FAM184A: variants seen among roughly 807,000 people sequenced by gnomAD.
FAM184A encodes protein FAM184A.
A neutral mutation model predicts 143.8 loss-of-function variants in FAM184A; 99 were observed. The ratio of observed to expected loss-of-function variants is 0.69; its 90% confidence interval spans 0.58 to 0.81. FAM184A has a LOEUF of 0.81. Among genes scored for constraint, FAM184A ranks in the 40% least tolerant of loss-of-function variants. FAM184A has a pLI of 0.00. For missense variants in FAM184A, 1,217 were observed against 1,310.5 expected (o/e 0.93, Z 1.10); for synonymous variants, 427 against 446.4 (o/e 0.96, Z 0.55).
chr6:119,090,376 A>G (rs1027502903), intron 1 of FAM184A, among the ~76,000 whole-genome samples: 1 of 152,198 alleles, frequency 6.6e-6, no homozygotes, highest in African/African-American at 2.4e-5. Flanking sequence ...TGGTTATTCA[A>G]TGTGAGCTTA....
At chr6:118,966,761 A>T in intron 15 of FAM184A, 74 bp downstream of exon 15, 1 of 655,386 alleles carries the variant, frequency 1.5e-6, no homozygotes. Flanking sequence ...ATTACTTAAA[A>T]AGATTGTCCC....
chr6:119,144,333 CAAAA>C (rs555955754), intron 1 of FAM184A, among the ~76,000 whole-genome samples: 2,877 of 77,946 alleles, frequency 0.037, 42 homozygotes, highest in Middle Eastern at 0.15. Flanking sequence ...GACTCTGACT[CAAAA>C]AAAAAAAAAA....
chr6:119,016,697 C>G (rs1242905684), intron 5 of FAM184A, 50 bp downstream of exon 5: 1 of 1,511,174 alleles, frequency 6.6e-7, no homozygotes, highest in Admixed American at 1.7e-5. Flanking sequence ...CACACTACTA[C>G]AGAAATATCA....
intron 1 of FAM184A, among the ~76,000 whole-genome samples, chr6:119,119,888 T>C (rs531942465): frequency 2.4e-4 from 37 of 152,022 alleles, no homozygotes; most frequent in African/African-American, 8.7e-4. Context: ...GGAGGCTGAG[T>C]TGAGAGGATT....
intron 6 of FAM184A, among the ~76,000 whole-genome samples, chr6:119,009,740 T>A (rs977040225): frequency 4.6e-5 from 7 of 152,214 alleles, no homozygotes; most frequent in African/African-American, 1.7e-4. Context: ...TGCCTCAGAC[T>A]TGTGTTTACT....
At chr6:119,066,708 C>T (rs1048316809) in intron 1 of FAM184A, among the ~76,000 whole-genome samples, 2 of 152,198 alleles carry the variant, frequency 1.3e-5, no homozygotes, top group African/African-American at 4.8e-5. Flanking sequence ...GTTATCTTTG[C>T]CAACTCCCTC....
intron 14 of FAM184A, among the ~76,000 whole-genome samples, chr6:118,970,008 A>ATATATATTTTTTTTTT: frequency 4.7e-4 from 9 of 19,048 alleles, no homozygotes; most frequent in South Asian, 3.4e-3. Flanking sequence ...ATATATATAT[A>ATATATATTTTTTTTTT]TTTTTTTTTT....
intron 5 of FAM184A, among the ~76,000 whole-genome samples, chr6:119,011,695 A>G (rs1281502850): frequency 6.6e-6 from 1 of 152,214 alleles, no homozygotes; most frequent in African/African-American, 2.4e-5. Context: ...CCAAAAACAG[A>G]AAAGTGTGAG....
intron 1 of FAM184A, among the ~76,000 whole-genome samples, chr6:119,122,532 A>G (rs987044025): frequency 2.6e-5 from 4 of 152,190 alleles, no homozygotes; most frequent in Non-Finnish European, 5.9e-5. Flanking sequence ...GGTCAAACAT[A>G]CATATTCAAT....
chr6:119,112,314 G>A (rs1386189319), intron 1 of FAM184A, among the ~76,000 whole-genome samples: 2 of 152,022 alleles, frequency 1.3e-5, no homozygotes, highest in East Asian at 3.9e-4. Flanking sequence ...TTTTAGTAGA[G>A]ACGGGGTTTC....
intron 1 of FAM184A, among the ~76,000 whole-genome samples, chr6:119,087,996 T>C (rs968009718): frequency 6.6e-6 from 1 of 152,160 alleles, no homozygotes; most frequent in African/African-American, 2.4e-5. Context: ...AAAGGACAAA[T>C]ACCATATGAT....
intron 3 of FAM184A, among the ~76,000 whole-genome samples, chr6:119,022,533 T>C (rs990172856): frequency 6.6e-6 from 1 of 152,152 alleles, no homozygotes; most frequent in Non-Finnish European, 1.5e-5. Flanking sequence ...ACAGTCTAAA[T>C]AGTTTTAAAA....
chr6:119,016,703 TATC>T, intron 5 of FAM184A, 41 bp downstream of exon 5: 1 of 1,525,194 alleles, frequency 6.6e-7, no homozygotes, highest in Non-Finnish European at 9.1e-7. Context: ...ACTACAGAAA[TATC>T]ATCAATTTAC....
At chr6:119,106,920 G>A (rs986182512) in intron 1 of FAM184A, among the ~76,000 whole-genome samples, 1 of 152,154 alleles carries the variant, frequency 6.6e-6, no homozygotes, top group Non-Finnish European at 1.5e-5. Context: ...TTGGTAATTA[G>A]GAGTAACTTT....
intron 1 of FAM184A, among the ~76,000 whole-genome samples, chr6:119,127,157 G>A (rs576579363): frequency 1.3e-5 from 2 of 152,346 alleles, no homozygotes; most frequent in South Asian, 2.1e-4. Context: ...AGGCTCGAGG[G>A]TGGGGCCCTT....
intron 1 of FAM184A, among the ~76,000 whole-genome samples, chr6:119,137,000 C>T (rs1789689648): frequency 1.3e-5 from 2 of 152,234 alleles, no homozygotes; most frequent in Non-Finnish European, 2.9e-5. Context: ...ATTAATTTTG[C>T]TGTAATCTTC....
At chr6:119,013,210 G>A (rs1785140808) in intron 5 of FAM184A, among the ~76,000 whole-genome samples, 1 of 152,080 alleles carries the variant, frequency 6.6e-6, no homozygotes, top group Non-Finnish European at 1.5e-5. Flanking sequence ...ATGTTTTAAA[G>A]AAAGACTTTA....
At chr6:119,063,256 TA>T (rs1454085857) in intron 1 of FAM184A, among the ~76,000 whole-genome samples, 2 of 152,242 alleles carry the variant, frequency 1.3e-5, no homozygotes, top group African/African-American at 4.8e-5. Flanking sequence ...CATGTTGCTG[TA>T]AAATTTGTGT....
Position 119,143,078 on chromosome 6 carries a change from A to G in FAM184A, c.-202+6000T>C, listed in dbSNP as rs72955084. 3.9e-3 allele frequency among the ~76,000 whole-genome samples: 599 copies of G among 152,270 alleles called. 4 individuals are homozygous for G. The highest frequency in any genetic ancestry group is 5.2e-3 in the Non-Finnish European group (355 of 68,010). Reference sequence around the variant, plus strand: ...CTAAGAAGGAACCAATCCTGCTGGTACCTTGATTTTCAGCTTTTAGTTTTC... The same window carrying G: ...CTAAGAAGGAACCAATCCTGCTGGTGCCTTGATTTTCAGCTTTTAGTTTTC... On this transcript the variant is annotated intron_variant, in intron 1 of 16. Coordinates refer to the FAM184A transcript ENST00000352896.
Sources: gnomAD v4.1 joint callset for allele counts (sites outside exome capture counted in the v4.1 genomes callset) on GRCh38, gnomAD v4.1.1 for gene constraint, MANE v1.5 for transcripts, NCBI Gene and HGNC (gene_info 2026-07-23, HGNC 2026-07-21) for gene names.